EFTUD2: variants seen among roughly 807,000 people sequenced by gnomAD.
EFTUD2 encodes the protein 116 kDa U5 small nuclear ribonucleoprotein component.
EFTUD2 carries 9 observed loss-of-function variants against 114.3 expected under a neutral mutation model. That is an observed-to-expected ratio of 0.08 (90% CI 0.05 to 0.14). The LOEUF (loss-of-function observed/expected upper bound fraction) is 0.14, where lower values mean the gene tolerates loss of function less well. Ranked by LOEUF, EFTUD2 falls within the 10% of genes least tolerant of loss-of-function variation. The probability of loss-of-function intolerance (pLI) is 1.00; values close to 1 mark genes in which losing one functional copy is unlikely to be tolerated. For missense variants in EFTUD2, 765 were observed against 1,241.2 expected, an observed-to-expected ratio of 0.62 and a Z score of 5.76; for synonymous variants, 449 against 462.3, an observed-to-expected ratio of 0.97 and a Z score of 0.37.
intron 9 of EFTUD2, 152 bp from the exon 10 acceptor site, chr17:44,876,252 G>T: frequency 1.1e-6 from 1 of 888,000 alleles, no homozygotes; most frequent in Non-Finnish European, 1.6e-6. Flanking sequence ...AGAGCATCCT[G>T]CCCGAAGATA....
rs1008848508 is a variant in EFTUD2 at position 44,860,498 on chromosome 17, C to A, written c.1653G>T (p.Leu551=). The change falls in exon 17 of 28, where the codon CTG becomes CTT. Residue 551 remains leucine (L), a synonymous_variant. Coordinates refer to ENST00000426333, the MANE Select transcript of EFTUD2 (RefSeq NM_004247.4). ...VNRVPAGNWV[L]IEGVDQPIVK... ...CAATTGGTTGATCAACACCTTCAAT[C>A]AGAACCCAGTTGCCAGCAGGAACAC... The A allele has an allele frequency of 1.7e-5, 27 of 1,613,900 alleles. No individual in the cohort carries two copies. The highest frequency in any genetic ancestry group is 2.3e-5 in the Non-Finnish European group (27 of 1,179,988).
chr17:44,897,978 T>C (rs2051424050), intron 1 of EFTUD2, among the ~76,000 whole-genome samples: 1 of 152,196 alleles, frequency 6.6e-6, no homozygotes, highest in South Asian at 2.1e-4. Context: ...AATGGGATGT[T>C]TAATTTTAAG....
chr17:44,875,715 G>C (rs2050935566), intron 10 of EFTUD2: 1 of 421,704 alleles, frequency 2.4e-6, no homozygotes, highest in Non-Finnish European at 4.2e-6. Context: ...TCTAAAAAGA[G>C]AAGAAATTAA....
At chr17:44,883,597 A>G in intron 5 of EFTUD2, 52 bp downstream of exon 5, 2 of 1,542,664 alleles carry the variant, frequency 1.3e-6, no homozygotes, top group Non-Finnish European at 1.8e-6. Flanking sequence ...CTAAAACATG[A>G]GCAGGTACAA....
At chr17:44,857,903 C>G (rs1262889091) in intron 19 of EFTUD2, among the ~76,000 whole-genome samples, 1 of 148,366 alleles carries the variant, frequency 6.7e-6, no homozygotes, top group Non-Finnish European at 1.5e-5. Flanking sequence ...GGCTTGGGAG[C>G]CTTTATTTTC....
At chr17:44,870,593 C>G (rs555010730) in intron 11 of EFTUD2, among the ~76,000 whole-genome samples, 6 of 152,160 alleles carry the variant, frequency 3.9e-5, no homozygotes, top group Non-Finnish European at 7.4e-5. Context: ...TCTTCCTTAG[C>G]CTGCTCAATG....
At chr17:44,886,901 A>T in intron 2 of EFTUD2, 151 bp from the exon 3 acceptor site, 1 of 1,338,118 alleles carries the variant, frequency 7.5e-7, no homozygotes, top group Non-Finnish European at 1.0e-6. Context: ...CACTCCTTTG[A>T]GACCCTTCAC....
intron 19 of EFTUD2, 134 bp downstream of exon 19, chr17:44,858,946 T>C (rs980449624): frequency 1.5e-6 from 1 of 674,784 alleles, no homozygotes; most frequent in African/African-American, 1.8e-5. Flanking sequence ...CCTTCCCATA[T>C]AAGGAGCAAC....
chr17:44,859,731 C>T (rs2050621695), intron 18 of EFTUD2, 174 bp downstream of exon 18: 1 of 1,024,224 alleles, frequency 9.8e-7, no homozygotes, highest in South Asian at 1.6e-5. Context: ...CACATACACA[C>T]ACACACGTGT....
intron 3 of EFTUD2, 25 bp from the exon 4 acceptor site, chr17:44,885,359 A>T (rs779029041): frequency 6.6e-7 from 1 of 1,524,022 alleles, no homozygotes; most frequent in African/African-American, 1.4e-5. Flanking sequence ...AAAGGTAGTG[A>T]TGTGTAGGTG....
chr17:44,887,972 G>A (rs931694537), intron 2 of EFTUD2, among the ~76,000 whole-genome samples: 3 of 152,320 alleles, frequency 2.0e-5, no homozygotes, highest in Middle Eastern at 3.4e-3. Flanking sequence ...CTTAATATGT[G>A]CTAAGCACTG....
intron 2 of EFTUD2, among the ~76,000 whole-genome samples, chr17:44,891,496 T>C (rs2051277918): frequency 6.6e-6 from 1 of 152,114 alleles, no homozygotes; most frequent in African/African-American, 2.4e-5. Context: ...ACTACTGGCA[T>C]GTACCACCAT....
At chr17:44,873,533 G>C (rs1008585901) in intron 10 of EFTUD2, among the ~76,000 whole-genome samples, 1 of 151,606 alleles carries the variant, frequency 6.6e-6, no homozygotes, top group African/African-American at 2.4e-5. Flanking sequence ...TTTTTGTAGA[G>C]ATGAGATACA....
chr17:44,860,417 C>T lies in EFTUD2; in HGVS notation c.1719+15G>A. ...TAGCTTAAGCCAACCCAGTTGGTCTCTTCAGAAACTCTACCTCCTCATTGC... is the reference window on the plus strand; with the variant it reads ...TAGCTTAAGCCAACCCAGTTGGTCTTTTCAGAAACTCTACCTCCTCATTGC... On this transcript the variant is annotated intron_variant, in intron 17 of 27. Coordinates refer to ENST00000426333, the MANE Select transcript of EFTUD2 (RefSeq NM_004247.4). The T allele has an allele frequency of 6.2e-7, 1 of 1,602,816 alleles. No homozygotes were observed. The highest frequency in any genetic ancestry group is 8.5e-7 in the Non-Finnish European group (1 of 1,169,786).
At chr17:44,863,594 A>G in intron 15 of EFTUD2, 61 bp downstream of exon 15, 1 of 1,573,616 alleles carries the variant, frequency 6.4e-7, no homozygotes, top group Non-Finnish European at 8.6e-7. Context: ...ACCAGAAATC[A>G]GTATCCCCAC....
intron 16 of EFTUD2, among the ~76,000 whole-genome samples, chr17:44,862,394 C>T (rs1482951808): frequency 6.6e-6 from 1 of 152,112 alleles, no homozygotes; most frequent in African/African-American, 2.4e-5. Context: ...GAGATTGTGC[C>T]ACTGCACTCT....
chr17:44,860,011 G>A lies in EFTUD2; in HGVS notation c.1754C>T (p.Thr585Ile). The A allele has an allele frequency of 1.2e-6, 2 of 1,614,220 alleles. No homozygotes were observed. The highest frequency in any genetic ancestry group is 1.1e-5 in the South Asian group (1 of 91,084). Reference sequence around the variant, plus strand: ...CTCCACAGCAATCTTGATAACAGATGTGGTATTGAACTTCAAGGGTCGGAA... The same window carrying A: ...CTCCACAGCAATCTTGATAACAGATATGGTATTGAACTTCAAGGGTCGGAA... ...QIFRPLKFNT[T>I]SVIKIAVEPV... The change falls in exon 18 of 28, where the codon ACA (threonine) becomes ATA (isoleucine). Residue 585 changes from threonine to isoleucine, a missense_variant. Thr to Ile is a moderately conservative substitution (Grantham distance 89). Coordinates refer to ENST00000426333, the MANE Select transcript of EFTUD2 (RefSeq NM_004247.4).
At chr17:44,863,535 C>T in intron 15 of EFTUD2, 120 bp downstream of exon 15, 2 of 1,419,438 alleles carry the variant, frequency 1.4e-6, no homozygotes, top group Non-Finnish European at 1.9e-6. Context: ...CCTGACTGTG[C>T]TCATGGGGAT....
Position 44,863,757 on chromosome 17 carries a change from A to T in EFTUD2, c.1311T>A (p.His437Gln). The change falls in exon 15 of 28, where the codon CAT (histidine) becomes CAA (glutamine). Residue 437 changes from histidine (H) to glutamine (Q), a missense_variant. Physicochemically the swap from His to Gln is conservative, Grantham distance 24. Coordinates refer to ENST00000426333, the MANE Select transcript of EFTUD2 (RefSeq NM_004247.4). ...FTGFVDMCVQ[H>Q]IPSPKVGAKP... ...TGGCGCCCACCTTTGGAGAAGGGAT[A>T]TGCTGCACACACATGTCCACAAAGC... The T allele has an allele frequency of 6.2e-7, 1 of 1,614,168 alleles. No homozygotes were observed. The highest frequency in any genetic ancestry group is 2.2e-5 in the East Asian group (1 of 44,886).
Sources: gnomAD v4.1 joint callset for allele counts (sites outside exome capture counted in the v4.1 genomes callset) on GRCh38, gnomAD v4.1.1 for gene constraint, MANE v1.5 for transcripts, NCBI Gene and HGNC (gene_info 2026-07-23, HGNC 2026-07-21) for gene names.